ATRX: variants seen among roughly 807,000 people sequenced by gnomAD.
The protein encoded by ATRX is ATRX chromatin remodeler, also known as chromatin remodeler ATRX.
ATRX carries 12 observed loss-of-function variants against 172.6 expected under a neutral mutation model. The observed-to-expected ratio is 0.07, with a 90% CI of 0.04 to 0.11. ATRX has a LOEUF of 0.11. Ranked by LOEUF, ATRX falls within the 10% of genes least tolerant of loss-of-function variation. The probability of loss-of-function intolerance (pLI) is 1.00; values close to 1 mark genes in which losing one functional copy is unlikely to be tolerated. For synonymous variants in ATRX, 674 were observed against 594.7 expected (o/e 1.13, Z -1.94); for missense variants, 1,368 against 1,767.4 (o/e 0.77, Z 4.05).
intron 22 of ATRX, among the ~76,000 whole-genome samples, chrX:77,601,199 C>T (rs1264222349): frequency 9.0e-6 from 1 of 111,234 alleles, no homozygotes; most frequent in Non-Finnish European, 1.9e-5. Context: ...GTGACAGTAG[C>T]TCACACCTGT....
At chrX:77,727,336 A>G (rs1401573026) in intron 1 of ATRX, among the ~76,000 whole-genome samples, 2 of 111,552 alleles carry the variant, frequency 1.8e-5, no homozygotes, top group African/African-American at 6.5e-5. Flanking sequence ...CTGGGTATAT[A>G]CCCAAAGGAT....
At chrX:77,658,184 C>G (rs1557120756) in intron 12 of ATRX, among the ~76,000 whole-genome samples, 1 of 111,853 alleles carries the variant, frequency 8.9e-6, no homozygotes, top group Non-Finnish European at 1.9e-5. Context: ...GTACTCCAGC[C>G]TGGGCAACAG....
At position 77,663,376 on chromosome X, in the gene ATRX, T is replaced by A. The variant is rs1557123987; in HGVS notation, c.4120+6A>T. The A allele has an allele frequency of 9.9e-6, 12 of 1,207,952 alleles. No individual in the cohort carries two copies. The highest frequency in any genetic ancestry group is 1.2e-5 in the Non-Finnish European group (11 of 893,207). On this transcript the variant is annotated splice_donor_region_variant and intron_variant, in intron 12 of 34. Coordinates refer to ENST00000373344, the MANE Select transcript of ATRX (RefSeq NM_000489.6). Reference sequence around the variant, plus strand: ...GTTCTTTACATTCAGAATTAAAACATCTTACCCTTTCTTCTGTTTCTGCCT... The same window carrying A: ...GTTCTTTACATTCAGAATTAAAACAACTTACCCTTTCTTCTGTTTCTGCCT...
intron 1 of ATRX, among the ~76,000 whole-genome samples, chrX:77,744,538 C>G (rs1557183854): frequency 9.0e-6 from 1 of 111,728 alleles, no homozygotes; most frequent in African/African-American, 3.3e-5. Flanking sequence ...AGCAACAGAT[C>G]TTAACCAAAA....
intron 15 of ATRX, among the ~76,000 whole-genome samples, chrX:77,648,628 T>G (rs1460569790): frequency 1.8e-5 from 2 of 108,892 alleles, no homozygotes; most frequent in Non-Finnish European, 3.8e-5. Context: ...AGCTGCGTTT[T>G]TTTTTTTTTT....
Position 77,517,595 on chromosome X carries a change from AAAG to A in ATRX, c.7200+3190_7200+3192del, listed in dbSNP as rs781785831. ...CACTGCTGAATTTTACCAAACGTTT[AAAG>A]AAGAACTAATACCAATCTTCCTCAA... On this transcript the variant is annotated intron_variant, in intron 34 of 34. Coordinates refer to ENST00000373344, the MANE Select transcript of ATRX (RefSeq NM_000489.6). 3.6e-4 allele frequency among the ~76,000 whole-genome samples: 40 copies of A among 112,270 alleles called. No homozygotes were observed. The South Asian group carries it at 0.011, about 32-fold the overall frequency.
chrX:77,743,551 G>C (rs1419072950), intron 1 of ATRX, among the ~76,000 whole-genome samples: 1 of 111,061 alleles, frequency 9.0e-6, no homozygotes, highest in Non-Finnish European at 1.9e-5. Flanking sequence ...TTCTCCCAGG[G>C]GACAGAGGTC....
chrX:77,567,069 T>C (rs184844536), intron 28 of ATRX, among the ~76,000 whole-genome samples: 1 of 111,099 alleles, frequency 9.0e-6, no homozygotes, highest in African/African-American at 3.3e-5. Context: ...AGGTATGATG[T>C]AATACCTACA....
At chrX:77,615,476 C>A (rs1383626993) in intron 22 of ATRX, among the ~76,000 whole-genome samples, 2 of 111,536 alleles carry the variant, frequency 1.8e-5, no homozygotes, top group African/African-American at 6.5e-5. Flanking sequence ...AACTATACAG[C>A]AACTCTCTCA....
At chrX:77,604,709 T>C (rs1245708974) in intron 22 of ATRX, among the ~76,000 whole-genome samples, 5 of 112,530 alleles carry the variant, frequency 4.4e-5, no homozygotes, top group African/African-American at 1.6e-4. Flanking sequence ...ACTTACATGT[T>C]TATTGTAGCA....
Position 77,683,341 on chromosome X carries a change from AATGCTCATTATC to A in ATRX, c.1903_1914del (p.Asp635_His638del), listed in dbSNP as rs1378084488. 8.3e-7 allele frequency: 1 copy of A among 1,209,199 alleles called. No individual in the cohort carries two copies. The highest frequency in any genetic ancestry group is 1.1e-6 in the Non-Finnish European group (1 of 894,957). On this transcript the variant is annotated inframe_deletion, in exon 9 of 35. Coordinates refer to ENST00000373344, the MANE Select transcript of ATRX (RefSeq NM_000489.6). Reference sequence around the variant, plus strand: ...AGTAATGAAACTTCATTTTCAACCAAATGCTCATTATCACTGTTTTCCTGTCCAAGTCCACAT... The same window carrying A: ...AGTAATGAAACTTCATTTTCAACCAAACTGTTTTCCTGTCCAAGTCCACAT...
Position 77,633,234 on chromosome X carries a change from T to C in ATRX, c.5107A>G (p.Ile1703Val). Residue 1703 changes from isoleucine to valine, a missense_variant, in exon 19 of 35, where the codon ATA (isoleucine) becomes GTA (valine). This residue lies in a region of ATRX where 23 missense variants were observed against 143.8 expected (regional missense o/e 0.16). Coordinates refer to ENST00000373344, the MANE Select transcript of ATRX (RefSeq NM_000489.6). The stretch of plus-strand genomic sequence containing the variant: ...GGATCAACCAAAGCTTTGTTAAATA[T>C]TTCTTTAAGTTTCCGACTCTTCACA... ...RNVKSRKLKE[I>V]FNKALVDPGP... The C allele has an allele frequency of 1.7e-6, 2 of 1,210,790 alleles. No homozygotes were observed. The highest frequency in any genetic ancestry group is 1.1e-6 in the Non-Finnish European group (1 of 894,765).
chrX:77,634,770 C>A lies in ATRX; in HGVS notation c.4700-67G>T, dbSNP rs913538236. ...GTTAAAAACTTCCTTTACATAAACA[C>A]ATCAAAAACATAACCAAAACTTCTA... On this transcript the variant is annotated intron_variant, in intron 16 of 34. Coordinates refer to ENST00000373344, the MANE Select transcript of ATRX (RefSeq NM_000489.6). The A allele has an allele frequency of 4.5e-6, 4 of 894,145 alleles. No homozygotes were observed. The African/African-American group carries it at 8.0e-5, about 18-fold the overall frequency. 73.7% of individuals were successfully genotyped at this position (894,145 alleles called of 1,213,427 possible).
Position 77,599,514 on chromosome X carries a change from A to G in ATRX, c.5853T>C (p.Asp1951=), listed in dbSNP as rs2148143490. The G allele has an allele frequency of 3.3e-6, 4 of 1,210,524 alleles. No individual in the cohort carries two copies. Among genetic ancestry groups the G allele is most frequent in the African/African-American group, 1.7e-5 (1 of 57,470 alleles). The change falls in exon 25 of 35, where the codon GAT becomes GAC. Residue 1951 remains aspartate (D), a synonymous_variant. Transcript: ENST00000373344. ...AATTCCAGACCTTAATCACTTCAAC[A>G]TCATTGTCACTGCCACTTCCACTTG... The part of the protein sequence containing the change: ...SSSSGSGSDN[D]VEVIKVWNSR...
chrX:77,682,191 C>T lies in ATRX; in HGVS notation c.3065G>A (p.Arg1022Gln), dbSNP rs781811015. 77 of 1,209,080 alleles carry T rather than the reference C, an allele frequency of 6.4e-5. No individual in the cohort carries two copies. The highest frequency in any genetic ancestry group is 8.8e-5 in the South Asian group (5 of 56,629). The change falls in exon 9 of 35, where the codon CGA becomes CAA. Residue 1022 changes from arginine to glutamine, a missense_variant. Around this residue, in one of 17 missense-constraint regions of ATRX, gnomAD observed 843 missense variants for 643.1 expected, o/e 1.31. Transcript: ENST00000373344. The stretch of plus-strand genomic sequence containing the variant: ...CTTAGGAAAATGACAAATTTCTTCT[C>T]GCTCAGGTAACTTTTCAGTGCCATC... ...SSDGTEKLPE[R>Q]EEICHFPKGI...
At chrX:77,561,503 A>G (rs1372403522) in intron 28 of ATRX, 1 of 111,338 alleles carries the variant, frequency 9.0e-6, no homozygotes, top group Non-Finnish European at 1.9e-5. Context: ...GCTCCTATAA[A>G]CCATATTATA....
intron 7 of ATRX, 134 bp from the exon 8 acceptor site, chrX:77,685,140 T>C (rs1236128456): frequency 5.9e-6 from 3 of 508,031 alleles, no homozygotes; most frequent in Non-Finnish European, 1.0e-5. Flanking sequence ...CAAAGATTTA[T>C]TGAGCATATT....
intron 34 of ATRX, 59 bp downstream of exon 34, chrX:77,520,726 CTTA>C (rs1231333742): frequency 2.6e-6 from 3 of 1,137,117 alleles, no homozygotes; most frequent in Non-Finnish European, 3.6e-6. Context: ...GTCATACAAA[CTTA>C]TTATAAAGTC....
At chrX:77,713,367 A>G (rs1465447123) in intron 2 of ATRX, among the ~76,000 whole-genome samples, 1 of 111,477 alleles carries the variant, frequency 9.0e-6, no homozygotes, top group African/African-American at 3.3e-5. Flanking sequence ...CAATGAGCAC[A>G]TCACACACCC....
Sources: gnomAD v4.1 joint callset for allele counts (sites outside exome capture counted in the v4.1 genomes callset) on GRCh38, gnomAD v4.1.1 for gene constraint, gnomAD v4.1.1 regional missense constraint, MANE v1.5 for transcripts, NCBI Gene and HGNC (gene_info 2026-07-23, HGNC 2026-07-21) for gene names.